The following SHISA9 variants were observed in gnomAD, a reference collection of about 807,000 sequenced individuals.
SHISA9 encodes the protein shisa family member 9.
In SHISA9, 13 loss-of-function variants were observed where a neutral mutation model predicts 38.0. That is an observed-to-expected ratio of 0.34 (90% CI 0.22 to 0.54). SHISA9 has a LOEUF of 0.54. Ranked by LOEUF, SHISA9 falls within the 20% of genes least tolerant of loss-of-function variation. SHISA9 has a pLI of 0.91. For synonymous variants in SHISA9, 275 were observed against 242.0 expected, an observed-to-expected ratio of 1.14 and a Z score of -1.27; for missense variants, 538 against 575.8, an observed-to-expected ratio of 0.93 and a Z score of 0.67.
At chr16:12,984,062 A>T (rs565767208) in intron 2 of SHISA9, among the ~76,000 whole-genome samples, 1 of 152,216 alleles carries the variant, frequency 6.6e-6, no homozygotes, top group African/African-American at 2.4e-5. Context: ...GTTCTAGTCC[A>T]TCTGGGGCTC....
chr16:13,048,257 A>G (rs976586008), intron 2 of SHISA9, among the ~76,000 whole-genome samples: 3 of 152,134 alleles, frequency 2.0e-5, no homozygotes, highest in African/African-American at 4.8e-5. Flanking sequence ...AATTTGTCTG[A>G]TTTTTCCATG....
At chr16:13,421,549 A>T in the SHISA9 span, among the ~76,000 whole-genome samples, 2 of 152,182 alleles carry the variant, frequency 1.3e-5, no homozygotes, top group African/African-American at 4.8e-5. Context: ...TCCTTCCCAC[A>T]ACATGTGGGA....
the SHISA9 span, among the ~76,000 whole-genome samples, chr16:13,395,988 A>G: frequency 6.6e-6 from 1 of 152,184 alleles, no homozygotes; most frequent in Non-Finnish European, 1.5e-5. Flanking sequence ...ATCTCTTTTT[A>G]TTTGAAACAC....
chr16:13,540,536 T>C, the SHISA9 span, among the ~76,000 whole-genome samples: 8 of 152,356 alleles, frequency 5.3e-5, no homozygotes, highest in African/African-American at 1.9e-4. Context: ...CAATGAGTTA[T>C]AAAATATATA....
At chr16:13,199,372 T>C (rs1380329846) in intron 2 of SHISA9, among the ~76,000 whole-genome samples, 1 of 152,136 alleles carries the variant, frequency 6.6e-6, no homozygotes, top group Non-Finnish European at 1.5e-5. Context: ...TGTAGCTCTG[T>C]AGAAAACTGA....
chr16:13,314,761 C>A, the SHISA9 span, among the ~76,000 whole-genome samples: 2 of 151,680 alleles, frequency 1.3e-5, no homozygotes, highest in Non-Finnish European at 2.9e-5. Flanking sequence ...TATTCATATA[C>A]GTAATTTAAC....
chr16:13,208,702 T>C (rs1011722870), intron 3 of SHISA9, among the ~76,000 whole-genome samples: 1 of 152,216 alleles, frequency 6.6e-6, no homozygotes, highest in African/African-American at 2.4e-5. Context: ...TAGGACTTTG[T>C]ACCAGAAGGG....
At chr16:13,016,018 C>CTTCCTTGAGACAG (rs2072753467) in intron 2 of SHISA9, among the ~76,000 whole-genome samples, 1 of 63,220 alleles carries the variant, frequency 1.6e-5, no homozygotes. Flanking sequence ...GACAGAATCT[C>CTTCCTTGAGACAG]ACTCTTTTGC....
the SHISA9 span, among the ~76,000 whole-genome samples, chr16:13,469,320 G>GAGAGAGAGAAAGAAAGAAAGAA: frequency 3.9e-4 from 24 of 61,600 alleles, no homozygotes; most frequent in Admixed American, 2.0e-3. Flanking sequence ...GAGAGAGAGA[G>GAGAGAGAGAAAGAAAGAAAGAA]AGAAAGAAAG....
intron 4 of SHISA9, among the ~76,000 whole-genome samples, chr16:13,222,028 G>A (rs2051231054): frequency 6.6e-6 from 1 of 152,156 alleles, no homozygotes; most frequent in Non-Finnish European, 1.5e-5. Flanking sequence ...ATGGTGGAAG[G>A]CCAAGGGGAA....
the SHISA9 span, among the ~76,000 whole-genome samples, chr16:13,344,577 G>A: frequency 6.6e-6 from 1 of 152,080 alleles, no homozygotes; most frequent in Non-Finnish European, 1.5e-5. Context: ...GAATAACATG[G>A]TAATAATATT....
chr16:13,469,433 A>AAAG, the SHISA9 span, among the ~76,000 whole-genome samples: 2 of 132,928 alleles, frequency 1.5e-5, no homozygotes, highest in African/African-American at 5.7e-5. Flanking sequence ...AAAAGAAAGA[A>AAAG]AGAGAAAGAA....
the SHISA9 span, among the ~76,000 whole-genome samples, chr16:13,311,920 T>C: frequency 6.6e-6 from 1 of 152,182 alleles, no homozygotes; most frequent in African/African-American, 2.4e-5. Context: ...GGTAAAGCAC[T>C]TAGAACCCTG....
intron 2 of SHISA9, among the ~76,000 whole-genome samples, chr16:13,079,247 C>G (rs1322407165): frequency 6.6e-6 from 1 of 152,214 alleles, no homozygotes; most frequent in Non-Finnish European, 1.5e-5. Context: ...GCTTTGCCCA[C>G]TTGGAATTAC....
At chr16:13,305,282 GCT>G in the SHISA9 span, among the ~76,000 whole-genome samples, 8 of 152,262 alleles carry the variant, frequency 5.3e-5, no homozygotes, top group Non-Finnish European at 1.0e-4. Flanking sequence ...TGTGATGTCA[GCT>G]CTCAAAAAGT....
At chr16:13,182,720 A>G (rs2142032761) in intron 2 of SHISA9, among the ~76,000 whole-genome samples, 1 of 152,344 alleles carries the variant, frequency 6.6e-6, no homozygotes, top group Non-Finnish European at 1.5e-5. Context: ...CACTAGGTGG[A>G]AAAAACGTCA....
At chr16:13,152,679 T>C (rs760177365) in intron 2 of SHISA9, among the ~76,000 whole-genome samples, 1 of 151,158 alleles carries the variant, frequency 6.6e-6, no homozygotes, top group Non-Finnish European at 1.5e-5. Context: ...CAGGCAAGGA[T>C]GGAACACCCA....
chr16:13,084,714 T>C (rs2073691351), intron 2 of SHISA9, among the ~76,000 whole-genome samples: 1 of 147,680 alleles, frequency 6.8e-6, no homozygotes, highest in African/African-American at 2.5e-5. Context: ...CTGACCTCAT[T>C]TGGGGCCAGA....
chr16:13,415,731 G>A, the SHISA9 span, among the ~76,000 whole-genome samples: 3 of 151,840 alleles, frequency 2.0e-5, no homozygotes, highest in African/African-American at 7.3e-5. Flanking sequence ...CTATGGATAT[G>A]ATTATTTTAC....
Sources: gnomAD v4.1 joint callset for allele counts (sites outside exome capture counted in the v4.1 genomes callset) on GRCh38, gnomAD v4.1.1 for gene constraint, MANE v1.5 for transcripts, NCBI Gene and HGNC (gene_info 2026-07-23, HGNC 2026-07-21) for gene names.